SMIM23: variants seen among roughly 807,000 people sequenced by gnomAD.
The protein encoded by SMIM23 is small integral membrane protein 23, also known as CTB-78H18.1.
SMIM23 carries 10 observed loss-of-function variants against 12.8 expected under a neutral mutation model. The ratio of observed to expected loss-of-function variants is 0.78; its 90% CI spans 0.48 to 1.32. SMIM23 has a LOEUF of 1.32. Among genes scored for constraint, SMIM23 ranks in the 40% most tolerant of loss-of-function variants. The pLI is 0.00. For synonymous variants in SMIM23, 78 were observed against 80.1 expected (o/e 0.97, Z 0.14); for missense variants, 184 against 198.2 (o/e 0.93, Z 0.43).
At chr5:171,775,808 G>A in the SMIM23 span, among the ~76,000 whole-genome samples, 3 of 152,308 alleles carry the variant, frequency 2.0e-5, no homozygotes, top group Non-Finnish European at 2.9e-5. Context: ...ATCGCCATGC[G>A]TCAGAATTTT....
chr5:171,784,824 A>G (rs979537527), upstream of SMIM23, among the ~76,000 whole-genome samples: 3 of 152,228 alleles, frequency 2.0e-5, no homozygotes, highest in African/African-American at 7.2e-5. Flanking sequence ...TGGCATACAC[A>G]TATCACAAAA....
upstream of SMIM23, among the ~76,000 whole-genome samples, chr5:171,777,432 T>A (rs1253236742): frequency 6.6e-6 from 1 of 152,236 alleles, no homozygotes; most frequent in Non-Finnish European, 1.5e-5. Context: ...GCCCTCTGGT[T>A]ACGGGGCATG....
intron 1 of SMIM23, 59 bp downstream of exon 1, chr5:171,786,035 A>G: frequency 7.4e-7 from 1 of 1,343,050 alleles, no homozygotes. Flanking sequence ...TTGCCACTCC[A>G]GACAGACTAG....
rs1162412772 is a variant in SMIM23 at position 171,790,701 on chromosome 5, CA to C, written c.226-91del. 23 of 1,448,740 alleles carry C rather than the reference CA, an allele frequency of 1.6e-5. No individual in the cohort carries two copies. The East Asian group carries it at 5.7e-4, about 36-fold the overall frequency. The allele number at this position is 1,448,740 out of a possible 1,614,324, so 89.7% of individuals were successfully genotyped here. On this transcript the variant is annotated intron_variant, in intron 3 of 3. Transcript: ENST00000523047. ...CTACGAGCACAATGAGTAGCATGTG[CA>C]AAGGCCCAGGGATCTTTTTGAAACC...
upstream of SMIM23, among the ~76,000 whole-genome samples, chr5:171,784,545 G>A (rs1402267277): frequency 6.6e-6 from 1 of 151,932 alleles, no homozygotes; most frequent in Admixed American, 6.6e-5. Context: ...ATATTGGTGG[G>A]GATGAGGAGA....
chr5:171,774,766 C>T, the SMIM23 span: 1 of 368,940 alleles, frequency 2.7e-6, no homozygotes, highest in Non-Finnish European at 5.4e-6. Flanking sequence ...TCCCTCTATT[C>T]CCAACTGCCA....
intron 1 of SMIM23, among the ~76,000 whole-genome samples, chr5:171,786,754 G>A (rs897021010): frequency 2.6e-5 from 4 of 152,118 alleles, no homozygotes; most frequent in African/African-American, 9.7e-5. Flanking sequence ...GCCTTCATGG[G>A]CACCCATCAT....
chr5:171,773,186 G>A, the SMIM23 span, among the ~76,000 whole-genome samples: 4 of 152,120 alleles, frequency 2.6e-5, no homozygotes, highest in South Asian at 2.1e-4. Flanking sequence ...GGGTCTCTTC[G>A]GTTCTCTTGA....
chr5:171,790,566 G>T lies in SMIM23; in HGVS notation c.225+17G>T. The T allele has an allele frequency of 6.5e-7, 1 of 1,535,914 alleles. No homozygotes were observed. The highest frequency in any genetic ancestry group is 8.7e-7 in the Non-Finnish European group (1 of 1,146,340). On this transcript the variant is annotated intron_variant, in intron 3 of 3. Transcript: ENST00000523047. ...GTTCCCCAGGTAACATGTCCAGCAA[G>T]GTACTGAGGTGAGGCAATCTGGGAA...
At position 171,791,044 on chromosome 5, in the gene SMIM23, G is replaced by A. The variant is rs1275524218; in HGVS notation, c.475G>A (p.Gly159Arg). The stretch of plus-strand genomic sequence containing the variant: ...GGCCCTGGGGAGAGAGCACAAAGGT[G>A]GGGAGGGGTTGCTAGAGATTTCTCT... ...AWALGREHKG[G>R]EGLLEISLSG... is the part of the protein sequence containing the mutation. The change falls in exon 4 of 4, where the codon GGG becomes AGG. Residue 159 changes from glycine to arginine, a missense_variant. Gly to Arg is a moderately radical substitution (Grantham distance 125, BLOSUM62 -2). Transcript: ENST00000523047. 1.3e-6 allele frequency: 2 copies of A among 1,527,144 alleles called. No individual in the cohort carries two copies. Among genetic ancestry groups the A allele is most frequent in the Non-Finnish European group, 1.8e-6 (2 of 1,142,504 alleles). The allele number at this position is 1,527,144 out of a possible 1,614,324, so 94.6% of individuals were successfully genotyped here.
At chr5:171,780,692 G>A (rs1196285371), upstream of SMIM23, among the ~76,000 whole-genome samples, 1 of 152,180 alleles carries the variant, frequency 6.6e-6, no homozygotes, top group Non-Finnish European at 1.5e-5. Flanking sequence ...CCAAGAGCCA[G>A]CAACTGCATG....
intron 1 of SMIM23, among the ~76,000 whole-genome samples, chr5:171,789,844 A>C (rs1755889366): frequency 6.6e-6 from 1 of 152,200 alleles, no homozygotes; most frequent in South Asian, 2.1e-4. Context: ...AATGCTCTAC[A>C]TCTTGATTGG....
At position 171,790,460 on chromosome 5, in the gene SMIM23, G is replaced by A. The variant is rs254967; in HGVS notation, c.158-22G>A. 5.0e-3 allele frequency: 7,700 copies of A among 1,536,222 alleles called. 294 individuals are homozygous for A. The African/African-American group carries it at 0.087, about 17-fold the overall frequency. ...ATTAGTGCTCATTTGCTCTTCAGAG[G>A]TGATGTTTGTGCCTGTTTCAGGAAG... On this transcript the variant is annotated intron_variant, in intron 2 of 3. Transcript: ENST00000523047.
chr5:171,790,389 C>A lies in SMIM23; in HGVS notation c.158-93C>A, dbSNP rs767049476. The A allele has an allele frequency of 3.1e-5, 47 of 1,502,416 alleles. 1 individual carries two copies. The South Asian group carries it at 4.7e-4, about 15-fold the overall frequency. The allele number at this position is 1,502,416 out of a possible 1,614,324, so 93.1% of individuals were successfully genotyped here. A position where few individuals can be genotyped will look rare whatever the true frequency, so the allele number is the denominator to read the frequency against. On this transcript the variant is annotated intron_variant, in intron 2 of 3. Coordinates refer to ENST00000523047, the MANE Select transcript of SMIM23 (RefSeq NM_001289970.2). ...GGGGACCTCCATAACCCACCTTCTC[C>A]CACTGACCCTTCATCACACTGGGAT...
At chr5:171,781,511 C>T (rs777185562), upstream of SMIM23, among the ~76,000 whole-genome samples, 1 of 150,200 alleles carries the variant, frequency 6.7e-6, no homozygotes, top group Non-Finnish European at 1.5e-5. Context: ...GCATCCACCA[C>T]CGGCTGGTCT....
At chr5:171,786,206 C>A (rs1765198179) in intron 1 of SMIM23, among the ~76,000 whole-genome samples, 1 of 152,192 alleles carries the variant, frequency 6.6e-6, no homozygotes, top group Non-Finnish European at 1.5e-5. Context: ...TCCAGGAGGA[C>A]TGGGCTTTTT....
the SMIM23 span, chr5:171,773,907 T>C: frequency 4.4e-6 from 2 of 452,148 alleles, no homozygotes. Context: ...GAGACATCCC[T>C]GTGGTTGGAG....
chr5:171,789,937 T>C lies in SMIM23; in HGVS notation c.106-293T>C, dbSNP rs899974306. On this transcript the variant is annotated intron_variant, in intron 1 of 3. Transcript: ENST00000523047. ...CATTTTAAATGTGTGCGTTTTATTA[T>C]ATGTAAATTATACCACAATGAAGTT... 2.6e-5 allele frequency among the ~76,000 whole-genome samples: 4 copies of C among 152,276 alleles called. 1 individual carries two copies. The highest frequency in any genetic ancestry group is 5.9e-5 in the Non-Finnish European group (4 of 68,050).
At chr5:171,773,279 A>G in the SMIM23 span, among the ~76,000 whole-genome samples, 1 of 151,904 alleles carries the variant, frequency 6.6e-6, no homozygotes, top group East Asian at 1.9e-4. Flanking sequence ...TGATACTCCC[A>G]TGATTCCTTC....
Sources: gnomAD v4.1 joint callset for allele counts (sites outside exome capture counted in the v4.1 genomes callset) on GRCh38, gnomAD v4.1.1 for gene constraint, MANE v1.5 for transcripts, NCBI Gene and HGNC (gene_info 2026-07-23, HGNC 2026-07-21) for gene names.